MARCHF5: variants seen among roughly 807,000 people sequenced by gnomAD.
MARCHF5 encodes the protein membrane associated ring-CH-type finger 5.
MARCHF5 carries 5 observed loss-of-function variants against 36.5 expected under a neutral mutation model. The ratio of observed to expected loss-of-function variants is 0.14; its 90% CI spans 0.07 to 0.29. The LOEUF is 0.29. Among genes scored for constraint, MARCHF5 ranks in the 10% least tolerant of loss-of-function variants. The probability of loss-of-function intolerance (pLI) is 1.00; values close to 1 mark genes in which losing one functional copy is unlikely to be tolerated. For missense variants in MARCHF5, 179 were observed against 336.3 expected, an observed-to-expected ratio of 0.53 and a Z score of 3.66; for synonymous variants, 103 against 109.9, an observed-to-expected ratio of 0.94 and a Z score of 0.39.
At chr10:92,327,968 G>A (rs1843387000) in intron 2 of MARCHF5, among the ~76,000 whole-genome samples, 1 of 151,980 alleles carries the variant, frequency 6.6e-6, no homozygotes, top group East Asian at 1.9e-4. Context: ...TAGGTATTAT[G>A]TACATTTGAT....
chr10:92,333,109 A>G (rs1843458675), intron 2 of MARCHF5, among the ~76,000 whole-genome samples: 1 of 151,336 alleles, frequency 6.6e-6, no homozygotes, highest in African/African-American at 2.4e-5. Flanking sequence ...GCGGTGAGCC[A>G]AGATCGCACC....
chr10:92,345,023 G>C (rs916882510), intron 3 of MARCHF5, among the ~76,000 whole-genome samples: 6 of 152,192 alleles, frequency 3.9e-5, no homozygotes, highest in African/African-American at 1.4e-4. Context: ...AGTGAAGCCT[G>C]GTCCCAGAGG....
rs1353285083 is a variant in MARCHF5, at chr10:92,291,464, G to C, written c.-31G>C. ...GGCCTGGCCTTGAGCGGGTCCACTG[G>C]GGAAGGCCGTGTGCGCCGGCTCCGC... On this transcript the variant is annotated 5_prime_UTR_variant, in exon 1 of 6. Transcript: ENST00000358935. 3.3e-6 allele frequency: 5 copies of C among 1,534,918 alleles called. No homozygotes were observed. The highest frequency in any genetic ancestry group is 4.4e-6 in the Non-Finnish European group (5 of 1,133,078).
intron 2 of MARCHF5, chr10:92,333,731 G>A (rs2135207837): frequency 2.5e-6 from 2 of 793,978 alleles, no homozygotes; most frequent in African/African-American, 1.9e-5. Flanking sequence ...TGAGAAGTTG[G>A]ATTTTTATAC....
At chr10:92,312,150 C>T (rs1843152225) in intron 2 of MARCHF5, among the ~76,000 whole-genome samples, 1 of 152,000 alleles carries the variant, frequency 6.6e-6, no homozygotes, top group Non-Finnish European at 1.5e-5. Context: ...TCTTTGGGGG[C>T]AGAGGGAATT....
chr10:92,328,821 A>ATTTT (rs34713388), intron 2 of MARCHF5, among the ~76,000 whole-genome samples: 21 of 122,414 alleles, frequency 1.7e-4, no homozygotes, highest in Middle Eastern at 4.2e-3. Flanking sequence ...ATATATATAT[A>ATTTT]TTTTTTTTTT....
rs1843735267 is a variant in MARCHF5, at chr10:92,352,913, T to C, written c.*1706T>C. ...GGCTGTAATTATAAAATATATTGGCTTTTGTTTTCAATGTGAAAGATACAT... is the reference window on the plus strand; with the variant it reads ...GGCTGTAATTATAAAATATATTGGCCTTTGTTTTCAATGTGAAAGATACAT... On this transcript the variant is annotated 3_prime_UTR_variant, in exon 6 of 6. Transcript: ENST00000358935. 6.6e-6 allele frequency: 1 copy of C among 152,632 alleles called. No homozygotes were observed. Among genetic ancestry groups the C allele is most frequent in the Admixed American group, 6.5e-5 (1 of 15,278 alleles). 9.5% of individuals were successfully genotyped at this position (152,632 alleles called of 1,614,324 possible).
At chr10:92,336,044 G>GT (rs1843498523) in intron 2 of MARCHF5, among the ~76,000 whole-genome samples, 1 of 151,866 alleles carries the variant, frequency 6.6e-6, no homozygotes, top group Admixed American at 6.6e-5. Flanking sequence ...TGTTTTTTTG[G>GT]TTTTTTCTGA....
chr10:92,335,254 C>T (rs552531054), intron 2 of MARCHF5, among the ~76,000 whole-genome samples: 29 of 152,210 alleles, frequency 1.9e-4, no homozygotes, highest in South Asian at 6.2e-4. Context: ...ATAAATGTTG[C>T]TTTTTTCCTA....
At chr10:92,335,129 A>G (rs766677800) in intron 2 of MARCHF5, among the ~76,000 whole-genome samples, 2 of 152,224 alleles carry the variant, frequency 1.3e-5, no homozygotes, top group Non-Finnish European at 2.9e-5. Flanking sequence ...CTTGTAAGGT[A>G]CATTTATTAT....
At chr10:92,319,334 C>A (rs1233282321) in intron 2 of MARCHF5, among the ~76,000 whole-genome samples, 3 of 141,090 alleles carry the variant, frequency 2.1e-5, no homozygotes, top group African/African-American at 7.9e-5. Context: ...TCGCTCTTGT[C>A]GCCCAGGCTG....
intron 1 of MARCHF5, 117 bp downstream of exon 1, chr10:92,291,646 C>T: frequency 2.1e-6 from 3 of 1,400,962 alleles, no homozygotes; most frequent in Non-Finnish European, 2.8e-6. Context: ...GTTCCACGGC[C>T]AGGGGGCCGT....
In MARCHF5 at chr10:92,297,422, G is replaced by A. The variant is rs570343150; in HGVS notation, c.35+5893G>A. On this transcript the variant is annotated intron_variant, in intron 1 of 5. Coordinates refer to ENST00000358935, the MANE Select transcript of MARCHF5 (RefSeq NM_017824.5). ...TGGGCTCAAGTGATCCGCTCGCCTC[G>A]GCCTCCCAAAGCTCCCAAAGTGGGG... Among the ~76,000 whole-genome samples, 7 of 150,848 alleles carry A rather than the reference G, an allele frequency of 4.6e-5. No homozygotes were observed. In the South Asian group the frequency reaches 6.3e-4, roughly 14 times the overall value.
At chr10:92,305,124 C>T (rs1230051190) in intron 1 of MARCHF5, among the ~76,000 whole-genome samples, 2 of 152,026 alleles carry the variant, frequency 1.3e-5, no homozygotes, top group Non-Finnish European at 2.9e-5. Flanking sequence ...AGAATATTTA[C>T]AGGGCCAGGC....
At chr10:92,349,604 C>A in intron 4 of MARCHF5, 67 bp from the exon 5 acceptor site, 1 of 1,592,316 alleles carries the variant, frequency 6.3e-7, no homozygotes, top group African/African-American at 1.3e-5. Flanking sequence ...GCTTTTTTAG[C>A]CATGTTTGAA....
chr10:92,299,485 A>G (rs1842987342), intron 1 of MARCHF5, among the ~76,000 whole-genome samples: 1 of 152,066 alleles, frequency 6.6e-6, no homozygotes, highest in Non-Finnish European at 1.5e-5. Flanking sequence ...CCCTCCTAAC[A>G]CCTGGTGAAG....
intron 2 of MARCHF5, among the ~76,000 whole-genome samples, chr10:92,320,448 G>A (rs1843277603): frequency 6.6e-6 from 1 of 152,060 alleles, no homozygotes; most frequent in Non-Finnish European, 1.5e-5. Flanking sequence ...TGTTTCAGAA[G>A]AAGGCATTAT....
At chr10:92,318,308 C>T (rs537145218) in intron 2 of MARCHF5, among the ~76,000 whole-genome samples, 3 of 151,814 alleles carry the variant, frequency 2.0e-5, no homozygotes, top group East Asian at 3.9e-4. Flanking sequence ...CACCTATAGT[C>T]CCAGCTACTC....
In MARCHF5 at chr10:92,310,527, G is replaced by A. The variant is rs553052047; in HGVS notation, c.36-608G>A. 1.4e-4 allele frequency among the ~76,000 whole-genome samples: 21 copies of A among 151,488 alleles called. 1 individual carries two copies. The highest frequency in any genetic ancestry group is 2.7e-4 in the Non-Finnish European group (18 of 67,902). On this transcript the variant is annotated intron_variant, in intron 1 of 5. Coordinates refer to ENST00000358935, the MANE Select transcript of MARCHF5 (RefSeq NM_017824.5). ...TAGATTTCAGATTTCAAGCATACAC[G>A]CCCAAATTTATCATATTGCTATTCT...
Sources: allele counts gnomAD v4.1 joint callset (sites outside exome capture counted in the v4.1 genomes callset), GRCh38; gene constraint gnomAD v4.1.1; transcripts MANE v1.5; gene names NCBI Gene and HGNC (gene_info 2026-07-23, HGNC 2026-07-21).